Variants in CALN1 observed in about 807,000 individuals in gnomAD.
CALN1 encodes the protein calcium-binding protein 8.
A neutral mutation model predicts 30.6 loss-of-function variants in CALN1; 17 were observed. The ratio of observed to expected loss-of-function variants is 0.56; its 90% CI spans 0.38 to 0.83. The LOEUF (loss-of-function observed/expected upper bound fraction) is 0.83, where lower values mean the gene tolerates loss of function less well. CALN1 is among the 40% of genes least tolerant of loss of function. The pLI is 0.00. For synonymous variants in CALN1, 156 were observed against 131.4 expected (o/e 1.19, Z -1.28); for missense variants, 291 against 354.9 (o/e 0.82, Z 1.45).
chr7:72,041,186 CAA>C (rs1563002113), intron 4 of CALN1, among the ~76,000 whole-genome samples: 1 of 151,988 alleles, frequency 6.6e-6, no homozygotes, highest in Non-Finnish European at 1.5e-5. Context: ...AGAAGAGAAC[CAA>C]GAGAGAGGCA....
chr7:72,445,683 G>A (rs1409509280), intron 1 of CALN1, among the ~76,000 whole-genome samples: 1 of 152,198 alleles, frequency 6.6e-6, no homozygotes, highest in African/African-American at 2.4e-5. Context: ...ACAGCGGAGA[G>A]TTTGATGATT....
chr7:72,460,383 G>C, the CALN1 span, among the ~76,000 whole-genome samples: 1 of 152,172 alleles, frequency 6.6e-6, no homozygotes, highest in Non-Finnish European at 1.5e-5. Context: ...TGTAATCCCA[G>C]CACTTTGGGA....
chr7:71,998,798 C>T (rs576270032), intron 5 of CALN1, among the ~76,000 whole-genome samples: 6 of 152,136 alleles, frequency 3.9e-5, no homozygotes, highest in African/African-American at 7.2e-5. Flanking sequence ...CTCAAGCAAT[C>T]GCCTGCCTTG....
intron 5 of CALN1, among the ~76,000 whole-genome samples, chr7:71,933,456 A>G (rs936485854): frequency 6.6e-6 from 1 of 152,038 alleles, no homozygotes; most frequent in Non-Finnish European, 1.5e-5. Context: ...TCTTTTGCCT[A>G]TTAAACCTCC....
intron 5 of CALN1, among the ~76,000 whole-genome samples, chr7:71,821,775 T>C (rs995282628): frequency 1.3e-5 from 2 of 150,580 alleles, no homozygotes; most frequent in Non-Finnish European, 2.9e-5. Context: ...TGAATTCTGC[T>C]AAATGTTTCT....
intron 2 of CALN1, among the ~76,000 whole-genome samples, chr7:72,403,034 CCATCCCTT>C (rs1383520357): frequency 6.6e-6 from 1 of 152,100 alleles, no homozygotes; most frequent in Non-Finnish European, 1.5e-5. Context: ...GTTTGCAAAC[CCATCCCTT>C]CATCCCATCC....
At chr7:72,491,161 G>A in the CALN1 span, among the ~76,000 whole-genome samples, 8 of 151,742 alleles carry the variant, frequency 5.3e-5, no homozygotes, top group South Asian at 2.1e-4. Context: ...GGAGAATGGC[G>A]TGAACCCGGA....
intron 3 of CALN1, among the ~76,000 whole-genome samples, chr7:72,138,928 T>C (rs972431949): frequency 2.6e-5 from 4 of 152,142 alleles, no homozygotes; most frequent in Non-Finnish European, 4.4e-5. Flanking sequence ...AACAAAATAT[T>C]TGGTCATTCT....
At chr7:72,288,758 ATTGT>A (rs1181698428) in intron 2 of CALN1, among the ~76,000 whole-genome samples, 4 of 151,994 alleles carry the variant, frequency 2.6e-5, no homozygotes, top group South Asian at 2.1e-4. Context: ...TATGTATTGG[ATTGT>A]TTATGATTTT....
chr7:72,282,574 GA>G (rs1332909431), intron 2 of CALN1, among the ~76,000 whole-genome samples: 1 of 152,180 alleles, frequency 6.6e-6, no homozygotes, highest in Non-Finnish European at 1.5e-5. Context: ...TCCACCATGT[GA>G]AAATGCAGCA....
At chr7:71,872,530 T>C (rs1246546238) in intron 5 of CALN1, among the ~76,000 whole-genome samples, 2 of 152,110 alleles carry the variant, frequency 1.3e-5, no homozygotes, top group African/African-American at 4.8e-5. Context: ...GATTGCTGGG[T>C]TTTTATTGTC....
At chr7:71,875,413 C>G (rs1792187860) in intron 5 of CALN1, among the ~76,000 whole-genome samples, 1 of 152,134 alleles carries the variant, frequency 6.6e-6, no homozygotes, top group Non-Finnish European at 1.5e-5. Context: ...GGGTGAAGAG[C>G]AGTAAATCAT....
At chr7:72,504,237 C>G in the CALN1 span, among the ~76,000 whole-genome samples, 2 of 152,130 alleles carry the variant, frequency 1.3e-5, no homozygotes, top group Non-Finnish European at 2.9e-5. Context: ...TTCATCCTTC[C>G]CACCCTCTCC....
intron 1 of CALN1, among the ~76,000 whole-genome samples, chr7:72,409,758 A>G (rs1447293712): frequency 6.6e-6 from 1 of 152,112 alleles, no homozygotes. Flanking sequence ...ACCCCATGGA[A>G]CAGTGGTTCC....
chr7:72,159,592 G>C (rs1787956286), intron 3 of CALN1, among the ~76,000 whole-genome samples: 1 of 152,106 alleles, frequency 6.6e-6, no homozygotes, highest in Non-Finnish European at 1.5e-5. Context: ...GAGGTCAGGA[G>C]TTTGAGACCC....
chr7:72,125,788 A>C (rs1197984048), intron 3 of CALN1, among the ~76,000 whole-genome samples: 3 of 136,008 alleles, frequency 2.2e-5, no homozygotes, highest in Admixed American at 7.6e-5. Flanking sequence ...TCCCAAGTCC[A>C]CTGTATCATT....
intron 2 of CALN1, among the ~76,000 whole-genome samples, chr7:72,340,131 G>A (rs536974997): frequency 1.3e-5 from 2 of 152,306 alleles, no homozygotes; most frequent in South Asian, 2.1e-4. Flanking sequence ...GAAGGGTCTG[G>A]AGGAAGCCAC....
chr7:72,502,175 C>A, the CALN1 span, among the ~76,000 whole-genome samples: 4 of 148,944 alleles, frequency 2.7e-5, no homozygotes, highest in African/African-American at 9.8e-5. Context: ...TTAGAAGAAA[C>A]CTTAAAACCT....
chr7:71,883,768 C>G (rs909515818), intron 5 of CALN1, among the ~76,000 whole-genome samples: 33 of 152,168 alleles, frequency 2.2e-4, no homozygotes, highest in African/African-American at 8.0e-4. Flanking sequence ...ACTGTCCTTT[C>G]CCTGTGGTAT....
Sources: allele counts gnomAD v4.1 joint callset (sites outside exome capture counted in the v4.1 genomes callset), GRCh38; gene constraint gnomAD v4.1.1; transcripts MANE v1.5; gene names NCBI Gene and HGNC (gene_info 2026-07-23, HGNC 2026-07-21).